Variants in GRIN3A observed in about 807,000 individuals in gnomAD.
The protein encoded by GRIN3A is glutamate receptor ionotropic, NMDA 3A.
In GRIN3A, 47 loss-of-function variants were observed where a neutral mutation model predicts 92.4. That is an observed-to-expected ratio of 0.51 (90% CI 0.40 to 0.65). GRIN3A has a LOEUF of 0.65. Ranked by LOEUF, GRIN3A falls within the 30% of genes least tolerant of loss-of-function variation. The probability of loss-of-function intolerance (pLI) is 0.00; values close to 1 mark genes in which losing one functional copy is unlikely to be tolerated. For missense variants in GRIN3A, 1,324 were observed against 1,393.1 expected (o/e 0.95, Z 0.79); for synonymous variants, 527 against 540.6 (o/e 0.97, Z 0.35).
chr9:101,735,659 A>G (rs1271269609), intron 1 of GRIN3A, among the ~76,000 whole-genome samples: 6 of 151,872 alleles, frequency 4.0e-5, no homozygotes. Flanking sequence ...TAAAGAAGCA[A>G]TGATAAGAAG....
At position 101,737,802 on chromosome 9, in the gene GRIN3A, T is replaced by C. The variant is rs1438514262; in HGVS notation, c.178A>G (p.Thr60Ala). 6.5e-7 allele frequency: 1 copy of C among 1,530,334 alleles called. No individual in the cohort carries two copies. The allele number at this position is 1,530,334 out of a possible 1,614,324, so 94.8% of individuals were successfully genotyped here. ...GCGCGGCTGGCCGCGCGGGGGGCGG[T>C]GGTCCAGGGCTGCAAGTGCACCGCG... is the stretch of plus-strand genomic sequence containing the variant. ...VGAVHLQPWT[T>A]APRAASRAPD... The change falls in exon 1 of 9, where the codon ACC (threonine) becomes GCC (alanine). Residue 60 changes from threonine to alanine, a missense_variant. Transcript: ENST00000361820.
At position 101,670,745 on chromosome 9, in the gene GRIN3A, C is replaced by T. The variant is rs1369474596; in HGVS notation, c.1667G>A (p.Ser556Asn). ...PMTNDSSTLD[S>N]LFSSLHSSND... ...ACTGCTATGGAGGCTGCTAAAAAGG[C>T]TGTCCAATGTGGAAGAGTCATTAGT... The change falls in exon 3 of 9, where the codon AGC (serine) becomes AAC (asparagine). Residue 556 changes from serine to asparagine, a missense_variant. Coordinates refer to ENST00000361820, the MANE Select transcript of GRIN3A (RefSeq NM_133445.3). 6.2e-7 allele frequency: 1 copy of T among 1,614,052 alleles called. No homozygotes were observed. Among genetic ancestry groups the T allele is most frequent in the Non-Finnish European group, 8.5e-7 (1 of 1,179,950 alleles).
chr9:101,701,782 A>G (rs1480876863), intron 1 of GRIN3A, among the ~76,000 whole-genome samples: 1 of 152,092 alleles, frequency 6.6e-6, no homozygotes, highest in African/African-American at 2.4e-5. Context: ...ATAGGAGAAA[A>G]TTTTTGCAAA....
intron 1 of GRIN3A, 24 bp from the exon 2 acceptor site, chr9:101,687,224 A>T: frequency 6.2e-7 from 1 of 1,612,916 alleles, no homozygotes; most frequent in Middle Eastern, 1.7e-4. Context: ...TATGAAAAAG[A>T]AGAATTAGAA....
intron 5 of GRIN3A, among the ~76,000 whole-genome samples, chr9:101,618,763 G>A (rs975231389): frequency 1.1e-4 from 17 of 152,028 alleles, no homozygotes; most frequent in African/African-American, 2.9e-4. Context: ...AACCTTGAGG[G>A]TTTTATTTCT....
In GRIN3A at chr9:101,623,548, A is replaced by G. The variant is rs79745217; in HGVS notation, c.2499-115T>C. 6.3e-4 allele frequency: 468 copies of G among 746,384 alleles called. 1 individual carries two copies. The African/African-American group carries it at 7.4e-3, about 12-fold the overall frequency. The allele number at this position is 746,384 out of a possible 1,614,324, so 46.2% of individuals were successfully genotyped here. On this transcript the variant is annotated intron_variant, in intron 4 of 8. Coordinates refer to ENST00000361820, the MANE Select transcript of GRIN3A (RefSeq NM_133445.3). ...AGAACCCGAACACTAAGGGCCGCAC[A>G]AGCTACCTAGGTGCTGACTTAGCTG...
chr9:101,687,013 T>C lies in GRIN3A; in HGVS notation c.887A>G (p.Asn296Ser), dbSNP rs571327653. The C allele has an allele frequency of 7.4e-6, 12 of 1,614,094 alleles. No homozygotes were observed. The South Asian group carries it at 9.9e-5, about 13-fold the overall frequency. ...GGTGGAGGGGAGGTTAGCGGTGATG[T>C]TGATGATAGAACCAAGGTGGAACTT... ...NSKFHLGSII[N>S]ITANLPSTQD... The change falls in exon 2 of 9, where the codon AAC becomes AGC. Residue 296 changes from asparagine to serine, a missense_variant. Asn to Ser is a conservative substitution (Grantham distance 46). Transcript: ENST00000361820.
intron 6 of GRIN3A, among the ~76,000 whole-genome samples, chr9:101,610,289 C>T (rs1167007644): frequency 6.6e-6 from 1 of 152,222 alleles, no homozygotes; most frequent in South Asian, 2.1e-4. Context: ...AACAGACATG[C>T]TAGCTCCCTA....
At position 101,670,334 on chromosome 9, in the gene GRIN3A, G is replaced by T. The variant is rs1564140486; in HGVS notation, c.2078C>A (p.Thr693Asn). ...AAATGGACTCTTCCATTCATACAGAGTGAGGAAGACGGCAGTGATGTGCAG... is the reference window on the plus strand; with the variant it reads ...AAATGGACTCTTCCATTCATACAGATTGAGGAAGACGGCAGTGATGTGCAG... ...VALHITAVFL[T>N]LYEWKSPFGL... The change falls in exon 3 of 9, where the codon ACT becomes AAT. Residue 693 changes from threonine (T) to asparagine (N), a missense_variant. By Grantham distance (65) the Thr-to-Asn change is moderately conservative (BLOSUM62 0). Coordinates refer to ENST00000361820, the MANE Select transcript of GRIN3A (RefSeq NM_133445.3). 6.2e-7 allele frequency: 1 copy of T among 1,614,028 alleles called. No individual in the cohort carries two copies. Among genetic ancestry groups the T allele is most frequent in the East Asian group, 2.2e-5 (1 of 44,854 alleles).
chr9:101,681,626 T>C (rs982527509), intron 2 of GRIN3A, among the ~76,000 whole-genome samples: 6 of 152,264 alleles, frequency 3.9e-5, no homozygotes, highest in African/African-American at 7.2e-5. Flanking sequence ...GTCCAGTGTT[T>C]TTCCCTCATC....
intron 6 of GRIN3A, among the ~76,000 whole-genome samples, chr9:101,596,156 T>A (rs558859036): frequency 1.8e-3 from 272 of 152,286 alleles, no homozygotes; most frequent in Non-Finnish European, 3.4e-3. Context: ...GTTCTATAGT[T>A]CAGCCAAAAT....
chr9:101,695,663 G>T (rs1829676208), intron 1 of GRIN3A, among the ~76,000 whole-genome samples: 1 of 152,084 alleles, frequency 6.6e-6, no homozygotes, highest in Admixed American at 6.6e-5. Flanking sequence ...CGTAGTAACT[G>T]CTTGATAAAT....
intron 4 of GRIN3A, 82 bp downstream of exon 4, chr9:101,628,174 A>G (rs886379582): frequency 8.5e-6 from 12 of 1,419,816 alleles, no homozygotes; most frequent in Middle Eastern, 1.7e-4. Context: ...TCATTTTCAG[A>G]AACTAACATA....
intron 6 of GRIN3A, among the ~76,000 whole-genome samples, chr9:101,581,263 T>A (rs1827883382): frequency 6.6e-6 from 1 of 152,158 alleles, no homozygotes; most frequent in Non-Finnish European, 1.5e-5. Flanking sequence ...GTGAACATAC[T>A]AACCTGAGGG....
At chr9:101,666,093 G>A (rs560509744) in intron 3 of GRIN3A, among the ~76,000 whole-genome samples, 1 of 151,770 alleles carries the variant, frequency 6.6e-6, no homozygotes, top group Non-Finnish European at 1.5e-5. Context: ...CTTTCACCTC[G>A]TCTCTCCACA....
chr9:101,617,458 A>G (rs527409528), intron 5 of GRIN3A, among the ~76,000 whole-genome samples: 60 of 152,276 alleles, frequency 3.9e-4, no homozygotes, highest in African/African-American at 1.4e-3. Context: ...GAAGTTTCAG[A>G]GACATTTATA....
At chr9:101,680,683 C>T (rs1829456438) in intron 2 of GRIN3A, among the ~76,000 whole-genome samples, 1 of 152,156 alleles carries the variant, frequency 6.6e-6, no homozygotes, top group Non-Finnish European at 1.5e-5. Context: ...CATGTCTTCT[C>T]CTGGTGGAAG....
intron 5 of GRIN3A, among the ~76,000 whole-genome samples, chr9:101,617,205 TAA>T (rs61141843): frequency 0.15 from 16,053 of 106,648 alleles, 830 homozygotes; most frequent in East Asian, 0.26. Flanking sequence ...AGACTCCGTC[TAA>T]AAAAAAAAAA....
At chr9:101,676,775 A>C (rs1208983484) in intron 2 of GRIN3A, among the ~76,000 whole-genome samples, 4 of 151,908 alleles carry the variant, frequency 2.6e-5, no homozygotes, top group Non-Finnish European at 5.9e-5. Flanking sequence ...CTTGCGATCT[A>C]CCAACTATTG....
Sources: allele counts gnomAD v4.1 joint callset (sites outside exome capture counted in the v4.1 genomes callset), GRCh38; gene constraint gnomAD v4.1.1; transcripts MANE v1.5; gene names NCBI Gene and HGNC (gene_info 2026-07-23, HGNC 2026-07-21).